The following NCAM2 variants were observed in gnomAD, a reference collection of about 807,000 sequenced individuals.
The protein encoded by NCAM2 is neural cell adhesion molecule 2.
NCAM2 carries 30 observed loss-of-function variants against 98.1 expected under a neutral mutation model. The observed-to-expected ratio is 0.31, with a 90% CI of 0.23 to 0.41. The LOEUF (loss-of-function observed/expected upper bound fraction) is 0.41. Ranked by LOEUF, NCAM2 falls within the 10% of genes least tolerant of loss-of-function variation. The pLI is 1.00. For missense variants in NCAM2, 867 were observed against 1,005.8 expected, an observed-to-expected ratio of 0.86 and a Z score of 1.87; for synonymous variants, 368 against 342.4, an observed-to-expected ratio of 1.07 and a Z score of -0.83.
At chr21:21,134,064 CTTT>C (rs36062789) in intron 1 of NCAM2, among the ~76,000 whole-genome samples, 53,169 of 137,434 alleles carry the variant, frequency 0.39, 9,983 homozygotes, top group East Asian at 0.42. Flanking sequence ...CACTTCCTCT[CTTT>C]TTTTTTTTTT....
intron 9 of NCAM2, among the ~76,000 whole-genome samples, chr21:21,386,206 T>C (rs2076268259): frequency 6.6e-6 from 1 of 152,170 alleles, no homozygotes; most frequent in Admixed American, 6.6e-5. Flanking sequence ...TTTACTAGCA[T>C]GATTGGTTAG....
chr21:21,212,975 C>T (rs113241794), intron 1 of NCAM2, among the ~76,000 whole-genome samples: 2,370 of 152,146 alleles, frequency 0.016, 34 homozygotes, highest in Non-Finnish European at 0.023. Flanking sequence ...CTCCTGACCT[C>T]ATGATCCGCC....
chr21:21,111,853 G>T (rs573042630), intron 1 of NCAM2, among the ~76,000 whole-genome samples: 34 of 152,162 alleles, frequency 2.2e-4, no homozygotes, highest in Non-Finnish European at 4.9e-4. Context: ...ATGGACAAGG[G>T]AGAATTTCTA....
At chr21:21,423,382 T>C (rs781324070) in intron 11 of NCAM2, among the ~76,000 whole-genome samples, 7 of 152,214 alleles carry the variant, frequency 4.6e-5, no homozygotes, top group Non-Finnish European at 1.0e-4. Flanking sequence ...TCAACAAATA[T>C]TAGGTAGGTA....
At chr21:21,365,805 A>G (rs965913445) in intron 8 of NCAM2, among the ~76,000 whole-genome samples, 5 of 152,264 alleles carry the variant, frequency 3.3e-5, no homozygotes, top group East Asian at 1.9e-4. Flanking sequence ...GATTAGTAGC[A>G]TAGTGGATAC....
intron 12 of NCAM2, among the ~76,000 whole-genome samples, chr21:21,453,874 T>A (rs1981719297): frequency 6.6e-6 from 1 of 152,084 alleles, no homozygotes; most frequent in Non-Finnish European, 1.5e-5. Context: ...ATGTTTATAG[T>A]TAAGGTTTGT....
In NCAM2 at chr21:21,244,796, G is replaced by A. The variant is rs371684880; in HGVS notation, c.56-35782G>A. Among the ~76,000 whole-genome samples the A allele has an allele frequency of 8.2e-4, 115 of 141,038 alleles. 1 individual carries two copies. In the East Asian group the frequency reaches 0.021, roughly 25 times the overall value. The allele number at this position is 141,038 out of a possible 152,430, so 92.5% of individuals were successfully genotyped here. ...TGGGAGGCGGAGGTTGCAGTGAGCC[G>A]AGATCGCGCCACTGCACTCCTACCT... On this transcript the variant is annotated intron_variant, in intron 1 of 17. Transcript: ENST00000400546.
At position 21,541,555 on chromosome 21, in the gene NCAM2, T is replaced by C. The variant is rs1031881843; in HGVS notation, c.*3598T>C. 1.3e-5 allele frequency: 2 copies of C among 151,668 alleles called. No homozygotes were observed. The highest frequency in any genetic ancestry group is 6.6e-5 in the Admixed American group (1 of 15,196). The allele number at this position is 151,668 out of a possible 1,614,324, so 9.4% of individuals were successfully genotyped here. A position where few individuals can be genotyped will look rare whatever the true frequency, so the allele number is the denominator to read the frequency against. ...GTAAGACAAAGACAACAGATAACTTTTGAAAATCAAGCAAATTACTATGGT... is the reference window on the plus strand; with the variant it reads ...GTAAGACAAAGACAACAGATAACTTCTGAAAATCAAGCAAATTACTATGGT... On this transcript the variant is annotated 3_prime_UTR_variant, in exon 18 of 18. Transcript: ENST00000400546.
At chr21:21,279,863 G>A (rs899748616) in intron 1 of NCAM2, among the ~76,000 whole-genome samples, 7 of 152,146 alleles carry the variant, frequency 4.6e-5, no homozygotes, top group Non-Finnish European at 7.3e-5. Context: ...AAGGTGAGAC[G>A]GAGTTTGGAA....
At chr21:21,411,732 C>T (rs1602260179) in intron 10 of NCAM2, among the ~76,000 whole-genome samples, 2 of 151,966 alleles carry the variant, frequency 1.3e-5, no homozygotes, top group East Asian at 1.9e-4. Flanking sequence ...TTTAGAATAC[C>T]GTCTAATATC....
intron 1 of NCAM2, among the ~76,000 whole-genome samples, chr21:21,103,185 T>A (rs1367809965): frequency 2.0e-5 from 3 of 151,952 alleles, no homozygotes; most frequent in Non-Finnish European, 4.4e-5. Flanking sequence ...CAAGGATGGA[T>A]TCCTGCAATC....
chr21:21,246,604 A>G (rs2071280757), intron 1 of NCAM2, among the ~76,000 whole-genome samples: 1 of 152,140 alleles, frequency 6.6e-6, no homozygotes, highest in Non-Finnish European at 1.5e-5. Context: ...GTAGTAACAA[A>G]TTGCATATAA....
intron 12 of NCAM2, among the ~76,000 whole-genome samples, chr21:21,443,613 G>C (rs1005795334): frequency 2.0e-5 from 3 of 152,090 alleles, no homozygotes; most frequent in Non-Finnish European, 4.4e-5. Flanking sequence ...TAGCATACCA[G>C]ATATGAAGCT....
intron 1 of NCAM2, among the ~76,000 whole-genome samples, chr21:21,264,938 T>TAATACAC (rs2072090101): frequency 9.5e-5 from 2 of 21,122 alleles, no homozygotes; most frequent in Non-Finnish European, 2.2e-4. Flanking sequence ...CATATATATG[T>TAATACAC]GTGTGTATAT....
rs563120323 is a variant in NCAM2 at position 21,452,540 on chromosome 21, A to G, written c.1655-14066A>G. ...ATAAAATATATTATATATTATAAAT[A>G]AATATATAATATATACTATATATAG... On this transcript the variant is annotated intron_variant, in intron 12 of 17. Transcript: ENST00000400546. 7.3e-3 allele frequency among the ~76,000 whole-genome samples: 930 copies of G among 127,686 alleles called. 5 individuals are homozygous for G. Among genetic ancestry groups the G allele is most frequent in the Non-Finnish European group, 0.011 (710 of 63,312 alleles). The allele number at this position is 127,686 out of a possible 152,430, so 83.8% of individuals were successfully genotyped here. A position where few individuals can be genotyped will look rare whatever the true frequency, so the allele number is the denominator to read the frequency against.
intron 14 of NCAM2, among the ~76,000 whole-genome samples, chr21:21,473,394 T>TATATATA (rs1984730552): frequency 1.0e-5 from 1 of 99,870 alleles, no homozygotes; most frequent in Admixed American, 9.3e-5. Flanking sequence ...ATATATATAT[T>TATATATA]ATATATAAAA....
intron 1 of NCAM2, among the ~76,000 whole-genome samples, chr21:21,151,504 A>G (rs916410462): frequency 1.1e-4 from 17 of 152,070 alleles, no homozygotes; most frequent in African/African-American, 4.1e-4. Flanking sequence ...TTACTTTCTC[A>G]GAGTGGAATG....
chr21:21,510,323 C>G (rs552192317), intron 16 of NCAM2, among the ~76,000 whole-genome samples: 1 of 152,090 alleles, frequency 6.6e-6, no homozygotes, highest in Non-Finnish European at 1.5e-5. Context: ...GAAGTTCTCT[C>G]ATTTCCTTAT....
intron 5 of NCAM2, among the ~76,000 whole-genome samples, chr21:21,300,003 T>C (rs2073650659): frequency 1.3e-5 from 2 of 152,008 alleles, no homozygotes. Context: ...GTAAATAGTG[T>C]TACACTGTAT....
Sources: allele counts gnomAD v4.1 joint callset (sites outside exome capture counted in the v4.1 genomes callset), GRCh38; gene constraint gnomAD v4.1.1; transcripts MANE v1.5; gene names NCBI Gene and HGNC (gene_info 2026-07-23, HGNC 2026-07-21).